Variants in FOXP2 observed in about 807,000 individuals in gnomAD.
FOXP2 encodes forkhead box P2.
In FOXP2, 12 loss-of-function variants were observed where a neutral mutation model predicts 115.8. That is an observed-to-expected ratio of 0.10 (90% CI 0.07 to 0.17). The LOEUF (loss-of-function observed/expected upper bound fraction) is 0.17, where lower values mean the gene tolerates loss of function less well. Among genes scored for constraint, FOXP2 ranks in the 10% least tolerant of loss-of-function variants. The probability of loss-of-function intolerance (pLI) is 1.00; values close to 1 mark genes in which losing one functional copy is unlikely to be tolerated. For synonymous variants in FOXP2, 328 were observed against 297.7 expected (o/e 1.10, Z -1.05); for missense variants, 629 against 843.5 (o/e 0.75, Z 3.15).
At chr7:114,686,256 T>G (rs571233289) in intron 16 of FOXP2, among the ~76,000 whole-genome samples, 424 of 152,224 alleles carry the variant, frequency 2.8e-3, no homozygotes, top group Non-Finnish European at 4.4e-3. Flanking sequence ...TACTGCAACT[T>G]CCTGCTCCCA....
At position 114,200,246 on chromosome 7, in the gene FOXP2, A is replaced by G. The variant is rs1386276755; in HGVS notation, c.-102+37158A>G. ...TTCAATCAATCAAATAAGGCCTTAC[A>G]GGAGAGGTTGCTGGCAGGATATAAC... On this transcript the variant is annotated intron_variant, in intron 1 of 17. Coordinates refer to the FOXP2 transcript ENST00000634411. 2.0e-5 allele frequency among the ~76,000 whole-genome samples: 3 copies of G among 152,212 alleles called. No homozygotes were observed. In the East Asian group the frequency reaches 5.8e-4, roughly 29 times the overall value.
intron 1 of FOXP2, among the ~76,000 whole-genome samples, chr7:114,110,089 C>T (rs944798931): frequency 1.3e-5 from 2 of 152,242 alleles, no homozygotes; most frequent in East Asian, 3.9e-4. Flanking sequence ...GCCACCTATT[C>T]ACAGAGCAAC....
intron 2 of FOXP2, among the ~76,000 whole-genome samples, chr7:114,338,436 C>T (rs1039054769): frequency 1.3e-5 from 2 of 150,558 alleles, no homozygotes; most frequent in African/African-American, 4.9e-5. Flanking sequence ...TAACTAAAAG[C>T]ATTTTATTAC....
intron 3 of FOXP2, among the ~76,000 whole-genome samples, chr7:114,612,356 A>G (rs538996319): frequency 8.6e-6 from 1 of 116,702 alleles, no homozygotes; most frequent in African/African-American, 3.9e-5. Context: ...AACTACATAT[A>G]TATGTATATA....
rs77331277 is a variant in FOXP2 at position 114,576,679 on chromosome 7, T to G, written c.258+41973T>G. ...ATTTATGGTGCTTATTAGGACAGAC[T>G]GTATTTTGCATTTTAAAGTTATTTG... On this transcript the variant is annotated intron_variant, in intron 3 of 16. Transcript: ENST00000350908. 7.6e-4 allele frequency among the ~76,000 whole-genome samples: 116 copies of G among 152,078 alleles called. 5 individuals are homozygous for G. In the East Asian group the frequency reaches 0.019, roughly 26 times the overall value.
intron 1 of FOXP2, among the ~76,000 whole-genome samples, chr7:114,124,610 G>A (rs1791652937): frequency 6.6e-6 from 1 of 151,874 alleles, no homozygotes. Flanking sequence ...ATCTATTTTT[G>A]TCCAAGATCA....
At chr7:114,269,775 T>C (rs1795989028) in intron 1 of FOXP2, among the ~76,000 whole-genome samples, 1 of 152,190 alleles carries the variant, frequency 6.6e-6, no homozygotes, top group Admixed American at 6.5e-5. Context: ...TTCAGAATTA[T>C]GTTCCTCCAC....
At chr7:114,296,707 C>T (rs1796749151) in intron 2 of FOXP2, among the ~76,000 whole-genome samples, 1 of 152,066 alleles carries the variant, frequency 6.6e-6, no homozygotes, top group South Asian at 2.1e-4. Context: ...TGAGCCCTTG[C>T]ATGAAGATAT....
intron 3 of FOXP2, among the ~76,000 whole-genome samples, chr7:114,625,239 A>G (rs1472542194): frequency 1.3e-5 from 2 of 151,680 alleles, no homozygotes; most frequent in Non-Finnish European, 3.0e-5. Flanking sequence ...ATAAATACCC[A>G]TTCAAAACGA....
intron 3 of FOXP2, among the ~76,000 whole-genome samples, chr7:114,609,410 G>A (rs796439022): frequency 6.6e-6 from 1 of 152,102 alleles, no homozygotes; most frequent in Non-Finnish European, 1.5e-5. Flanking sequence ...TCAATTATAA[G>A]TGTATAAAGA....
intron 2 of FOXP2, among the ~76,000 whole-genome samples, chr7:114,438,824 A>G (rs764474413): frequency 4.7e-4 from 71 of 152,170 alleles, no homozygotes; most frequent in Non-Finnish European, 8.8e-4. Flanking sequence ...AATATAAAAT[A>G]TAATACTTAA....
intron 1 of FOXP2, among the ~76,000 whole-genome samples, chr7:114,122,819 A>C (rs1791602137): frequency 6.6e-6 from 1 of 151,992 alleles, no homozygotes; most frequent in Admixed American, 6.6e-5. Flanking sequence ...ATTTTTAAGG[A>C]GTGGTAGGGG....
At chr7:114,347,188 A>T (rs890576145) in intron 2 of FOXP2, among the ~76,000 whole-genome samples, 1 of 151,652 alleles carries the variant, frequency 6.6e-6, no homozygotes, top group African/African-American at 2.4e-5. Context: ...TCACTCTGTG[A>T]CCTATAAACA....
chr7:114,241,770 T>C (rs1328971182), intron 1 of FOXP2, among the ~76,000 whole-genome samples: 1 of 151,498 alleles, frequency 6.6e-6, no homozygotes, highest in Non-Finnish European at 1.5e-5. Flanking sequence ...CTATCGGTAA[T>C]GGAAAGCAAT....
rs149516175 is a variant in FOXP2, at chr7:114,335,744, T to C, written c.-11+47635T>C. ...TTCATTAATCTGAGAAATGTAAATGTTAAATGGTGTGTGATTTCAACTACC... is the reference window on the plus strand; with the variant it reads ...TTCATTAATCTGAGAAATGTAAATGCTAAATGGTGTGTGATTTCAACTACC... On this transcript the variant is annotated intron_variant, in intron 2 of 17. Transcript: ENST00000634411. 1.5e-3 allele frequency among the ~76,000 whole-genome samples: 225 copies of C among 152,000 alleles called. 1 individual carries two copies. Among genetic ancestry groups the C allele is most frequent in the African/African-American group, 5.1e-3 (210 of 41,546 alleles).
At chr7:114,308,411 T>C (rs1421578186) in intron 2 of FOXP2, among the ~76,000 whole-genome samples, 2 of 152,122 alleles carry the variant, frequency 1.3e-5, no homozygotes, top group East Asian at 3.9e-4. Flanking sequence ...TAAAGTAAAG[T>C]GCATCATATC....
At chr7:114,556,544 A>G (rs1263636365) in intron 3 of FOXP2, among the ~76,000 whole-genome samples, 1 of 152,170 alleles carries the variant, frequency 6.6e-6, no homozygotes, top group African/African-American at 2.4e-5. Flanking sequence ...TTATAATATG[A>G]TAGTGTTTTT....
At chr7:114,495,481 C>CTTTTTTTTTTT (rs1797264521) in intron 2 of FOXP2, among the ~76,000 whole-genome samples, 2 of 81,902 alleles carry the variant, frequency 2.4e-5, no homozygotes, top group African/African-American at 9.5e-5. Context: ...CTTTCTCTCT[C>CTTTTTTTTTTT]TCTTTTTTTT....
chr7:114,593,126 G>A (rs1802520754), intron 3 of FOXP2, among the ~76,000 whole-genome samples: 1 of 151,684 alleles, frequency 6.6e-6, no homozygotes, highest in Admixed American at 6.6e-5. Flanking sequence ...AGAAGGATTT[G>A]AAAGTTTACT....
Sources: gnomAD v4.1 joint callset for allele counts (sites outside exome capture counted in the v4.1 genomes callset) on GRCh38, gnomAD v4.1.1 for gene constraint, MANE v1.5 for transcripts, NCBI Gene and HGNC (gene_info 2026-07-23, HGNC 2026-07-21) for gene names.